Variants in CALN1 observed in about 807,000 individuals in gnomAD.
The protein encoded by CALN1 is calcium-binding protein 8.
Under a neutral mutation model 30.6 loss-of-function variants are expected in CALN1, and 17 were observed. The ratio of observed to expected loss-of-function variants is 0.56; its 90% CI spans 0.38 to 0.83. The LOEUF (loss-of-function observed/expected upper bound fraction) is 0.83. CALN1 is among the 40% of genes least tolerant of loss of function. CALN1 has a pLI of 0.00. For missense variants in CALN1, 291 were observed against 354.9 expected (o/e 0.82, Z 1.45); for synonymous variants, 156 against 131.4 (o/e 1.19, Z -1.28).
chr7:72,211,076 T>C lies in CALN1; in HGVS notation c.244+67610A>G, dbSNP rs943625029. On this transcript the variant is annotated intron_variant, in intron 3 of 6. Transcript: ENST00000395275. Reference sequence around the variant, plus strand: ...CTCTAAAAAAATAAGTAAAATGAACTGAAATGAAAATTTGATTGTGACACT... The same window carrying C: ...CTCTAAAAAAATAAGTAAAATGAACCGAAATGAAAATTTGATTGTGACACT... Among the ~76,000 whole-genome samples the C allele has an allele frequency of 7.2e-5, 11 of 151,908 alleles. 1 individual carries two copies. Among genetic ancestry groups the C allele is most frequent in the Non-Finnish European group, 1.5e-5 (1 of 67,978 alleles).
intron 3 of CALN1, among the ~76,000 whole-genome samples, chr7:72,192,962 C>T (rs1020771267): frequency 3.3e-5 from 5 of 151,818 alleles, no homozygotes; most frequent in African/African-American, 9.7e-5. Flanking sequence ...CTGAAACAGG[C>T]GGATCACTTG....
intron 5 of CALN1, among the ~76,000 whole-genome samples, chr7:71,835,116 G>C (rs1789529837): frequency 6.6e-6 from 1 of 152,202 alleles, no homozygotes; most frequent in Admixed American, 6.5e-5. Flanking sequence ...TGGGATTACA[G>C]GAATGAGCCA....
intron 5 of CALN1, among the ~76,000 whole-genome samples, chr7:71,948,897 G>A (rs1265702336): frequency 1.3e-5 from 2 of 151,250 alleles, no homozygotes; most frequent in Non-Finnish European, 2.9e-5. Context: ...TTAAAAAATA[G>A]CCAGGCATGG....
At chr7:72,417,943 G>A (rs1585707277) in intron 1 of CALN1, among the ~76,000 whole-genome samples, 1 of 152,130 alleles carries the variant, frequency 6.6e-6, no homozygotes, top group Non-Finnish European at 1.5e-5. Flanking sequence ...CTTTTTGTTT[G>A]TTTGTTTTAA....
chr7:72,247,551 G>A (rs536159173), intron 3 of CALN1, among the ~76,000 whole-genome samples: 7 of 151,974 alleles, frequency 4.6e-5, no homozygotes, highest in Admixed American at 1.3e-4. Context: ...CACCGTGCCC[G>A]CCCTCAACAG....
chr7:72,334,297 G>A (rs1585520012), intron 2 of CALN1, among the ~76,000 whole-genome samples: 1 of 152,162 alleles, frequency 6.6e-6, no homozygotes, highest in Non-Finnish European at 1.5e-5. Context: ...GTCAATACAA[G>A]AATGTGGTAA....
chr7:71,893,097 A>C (rs368231911), intron 5 of CALN1, among the ~76,000 whole-genome samples: 98 of 152,332 alleles, frequency 6.4e-4, no homozygotes, highest in African/African-American at 2.3e-3. Context: ...CACTGTTAAC[A>C]GCCCACATTT....
intron 5 of CALN1, among the ~76,000 whole-genome samples, chr7:71,932,773 A>G (rs1433200956): frequency 6.6e-6 from 1 of 150,428 alleles, no homozygotes; most frequent in Non-Finnish European, 1.5e-5. Flanking sequence ...CCGAGATCGC[A>G]TCACTGCACT....
Position 71,810,207 on chromosome 7 carries a change from C to T in CALN1, c.658+129G>A, listed in dbSNP as rs936882833. 12 of 933,538 alleles carry T rather than the reference C, an allele frequency of 1.3e-5. No individual in the cohort carries two copies. In the African/African-American group the frequency reaches 2.0e-4, roughly 16 times the overall value. The allele number at this position is 933,538 out of a possible 1,614,324, so 57.8% of individuals were successfully genotyped here. A position where few individuals can be genotyped will look rare whatever the true frequency, so the allele number is the denominator to read the frequency against. ...GCAAAAAAGATCTTTAACCTCAGTCCTGGATTTTTGGCTTCAGTACAAGGG... is the reference window on the plus strand; with the variant it reads ...GCAAAAAAGATCTTTAACCTCAGTCTTGGATTTTTGGCTTCAGTACAAGGG... On this transcript the variant is annotated intron_variant, in intron 6 of 6. Coordinates refer to ENST00000395275, the MANE Select transcript of CALN1 (RefSeq NM_031468.4).
intron 2 of CALN1, among the ~76,000 whole-genome samples, chr7:72,368,821 T>C (rs1171491441): frequency 6.8e-6 from 1 of 147,732 alleles, no homozygotes; most frequent in Non-Finnish European, 1.5e-5. Context: ...TTTTTTTTTT[T>C]TTTTTTTTTT....
At chr7:72,268,793 CCACACACACACA>C (rs3032247) in intron 3 of CALN1, among the ~76,000 whole-genome samples, 3 of 145,834 alleles carry the variant, frequency 2.1e-5, no homozygotes, top group Non-Finnish European at 3.0e-5. Context: ...CAAGACCCTG[CCACACACACACA>C]CACACACACA....
At chr7:72,343,005 G>C (rs1427383903) in intron 2 of CALN1, among the ~76,000 whole-genome samples, 1 of 152,158 alleles carries the variant, frequency 6.6e-6, no homozygotes, top group African/African-American at 2.4e-5. Context: ...GCAGTGGTTT[G>C]CTTTGCAGTA....
intron 3 of CALN1, among the ~76,000 whole-genome samples, chr7:72,187,539 T>C (rs899921938): frequency 1.3e-5 from 2 of 152,108 alleles, no homozygotes; most frequent in Admixed American, 1.3e-4. Flanking sequence ...GGGATCTAGG[T>C]TGCGTGTTCC....
intron 1 of CALN1, among the ~76,000 whole-genome samples, chr7:72,445,819 C>T (rs574219759): frequency 3.8e-4 from 58 of 152,224 alleles, no homozygotes; most frequent in African/African-American, 1.2e-3. Context: ...GCTGCAAACG[C>T]GGTAACTACC....
chr7:72,081,560 C>G (rs1475470036), intron 4 of CALN1, among the ~76,000 whole-genome samples: 1 of 152,002 alleles, frequency 6.6e-6, no homozygotes, highest in African/African-American at 2.4e-5. Context: ...GTAGCTGGGA[C>G]TACAGGTGTG....
chr7:72,459,808 G>A, the CALN1 span, among the ~76,000 whole-genome samples: 1 of 152,274 alleles, frequency 6.6e-6, no homozygotes, highest in Admixed American at 6.5e-5. Context: ...AGGCGTGCAA[G>A]ATACTAAGCC....
intron 2 of CALN1, among the ~76,000 whole-genome samples, chr7:72,299,620 A>G (rs187677811): frequency 1.3e-5 from 2 of 152,196 alleles, no homozygotes; most frequent in East Asian, 3.9e-4. Context: ...GAATTAATAA[A>G]GTATGCAAAA....
intron 2 of CALN1, among the ~76,000 whole-genome samples, chr7:72,327,430 A>G (rs1801356434): frequency 6.6e-6 from 1 of 152,252 alleles, no homozygotes; most frequent in South Asian, 2.1e-4. Flanking sequence ...CGGAGGTTGC[A>G]GTGAGCTGAG....
intron 5 of CALN1, among the ~76,000 whole-genome samples, chr7:71,881,727 C>T (rs1792579333): frequency 6.6e-6 from 1 of 152,024 alleles, no homozygotes; most frequent in African/African-American, 2.4e-5. Flanking sequence ...TGCTGCTATT[C>T]CAAATTACCA....
Sources: allele counts gnomAD v4.1 joint callset (sites outside exome capture counted in the v4.1 genomes callset), GRCh38; gene constraint gnomAD v4.1.1; transcripts MANE v1.5; gene names NCBI Gene and HGNC (gene_info 2026-07-23, HGNC 2026-07-21).